Variants in TSC22D1 observed in about 807,000 individuals in gnomAD.
The protein encoded by TSC22D1 is TSC22 domain family member 1.
TSC22D1 carries 9 observed loss-of-function variants against 74.2 expected under a neutral mutation model. The ratio of observed to expected loss-of-function variants is 0.12; its 90% CI spans 0.07 to 0.21. The LOEUF is 0.21. Ranked by LOEUF, TSC22D1 falls within the 10% of genes least tolerant of loss-of-function variation. TSC22D1 has a pLI of 1.00. For synonymous variants in TSC22D1, 586 were observed against 492.5 expected (o/e 1.19, Z -2.51); for missense variants, 1,427 against 1,304.7 (o/e 1.09, Z -1.44).
rs550530860 is a variant in TSC22D1 at position 44,512,843 on chromosome 13, T to C, written c.2912+60320A>G. ...TATTGTATTTTTAGTAGAGACAGGG[T>C]TTCACCATGTTGGCCAGGATGGTCT... On this transcript the variant is annotated intron_variant, in intron 1 of 2. Transcript: ENST00000458659. Among the ~76,000 whole-genome samples the C allele has an allele frequency of 3.3e-5, 5 of 152,060 alleles. No individual in the cohort carries two copies. The South Asian group carries it at 8.3e-4, about 25-fold the overall frequency.
intron 1 of TSC22D1, among the ~76,000 whole-genome samples, chr13:44,529,784 T>C (rs1880734064): frequency 6.6e-6 from 1 of 152,008 alleles, no homozygotes; most frequent in South Asian, 2.1e-4. Flanking sequence ...ACACCAGCAA[T>C]GAACAATTGG....
chr13:44,493,947 T>C lies in TSC22D1; in HGVS notation c.2913-57852A>G, dbSNP rs138788468. Among the ~76,000 whole-genome samples the C allele has an allele frequency of 1.3e-3, 203 of 152,224 alleles. 1 individual carries two copies. Among genetic ancestry groups the C allele is most frequent in the African/African-American group, 4.5e-3 (187 of 41,530 alleles). On this transcript the variant is annotated intron_variant, in intron 1 of 2. Coordinates refer to ENST00000458659, the MANE Select transcript of TSC22D1 (RefSeq NM_183422.4). Reference sequence around the variant, plus strand: ...TCTTTACAAAAATAGCTTACAAAAGTTGGCCAGGTGCAGTGGCTCATGCCT... The same window carrying C: ...TCTTTACAAAAATAGCTTACAAAAGCTGGCCAGGTGCAGTGGCTCATGCCT...
At chr13:44,541,408 A>G (rs773848830) in intron 1 of TSC22D1, among the ~76,000 whole-genome samples, 2 of 152,216 alleles carry the variant, frequency 1.3e-5, no homozygotes, top group East Asian at 3.8e-4. Context: ...AAGAAAACCT[A>G]TGAATTTAAC....
At chr13:44,445,101 A>G (rs561904280) in intron 1 of TSC22D1, among the ~76,000 whole-genome samples, 13 of 152,114 alleles carry the variant, frequency 8.5e-5, no homozygotes, top group Non-Finnish European at 1.6e-4. Flanking sequence ...CTAAAGCCAG[A>G]TAAAGACATT....
intron 1 of TSC22D1, among the ~76,000 whole-genome samples, chr13:44,506,875 C>T (rs1879473172): frequency 6.6e-6 from 1 of 152,136 alleles, no homozygotes; most frequent in Non-Finnish European, 1.5e-5. Context: ...CAAGACACTA[C>T]AGAATCTGAG....
At chr13:44,529,788 C>G (rs1456773790) in intron 1 of TSC22D1, among the ~76,000 whole-genome samples, 4 of 151,870 alleles carry the variant, frequency 2.6e-5, no homozygotes, top group Non-Finnish European at 5.9e-5. Context: ...CAGCAATGAA[C>G]AATTGGAATT....
chr13:44,558,689 G>A (rs1271123289), intron 1 of TSC22D1, among the ~76,000 whole-genome samples: 1 of 152,116 alleles, frequency 6.6e-6, no homozygotes, highest in Non-Finnish European at 1.5e-5. Context: ...GCAGTGAGCC[G>A]AGATTGTGCC....
intron 1 of TSC22D1, among the ~76,000 whole-genome samples, chr13:44,570,141 T>C (rs1883659455): frequency 6.6e-6 from 1 of 152,104 alleles, no homozygotes; most frequent in Admixed American, 6.6e-5. Context: ...TTTCCCATTC[T>C]TGTAAAGGTG....
At chr13:44,439,509 T>C (rs1249608962) in intron 1 of TSC22D1, among the ~76,000 whole-genome samples, 2 of 152,232 alleles carry the variant, frequency 1.3e-5, no homozygotes, top group African/African-American at 2.4e-5. Context: ...GCTCTTCTAA[T>C]TGCAAGACAA....
chr13:44,544,236 A>T (rs564093626), intron 1 of TSC22D1, among the ~76,000 whole-genome samples: 1 of 152,350 alleles, frequency 6.6e-6, no homozygotes, highest in Admixed American at 6.5e-5. Flanking sequence ...GCCAAATTGC[A>T]ACAATTACAG....
At chr13:44,563,778 G>T (rs1019928580) in intron 1 of TSC22D1, among the ~76,000 whole-genome samples, 7 of 152,154 alleles carry the variant, frequency 4.6e-5, no homozygotes, top group African/African-American at 1.7e-4. Flanking sequence ...TACAGTCTAA[G>T]AAACAATTTG....
At chr13:44,475,017 C>T (rs1877828057) in intron 1 of TSC22D1, among the ~76,000 whole-genome samples, 1 of 152,030 alleles carries the variant, frequency 6.6e-6, no homozygotes, top group South Asian at 2.1e-4. Context: ...AAGAAATCTA[C>T]AATTCTTTGT....
intron 1 of TSC22D1, among the ~76,000 whole-genome samples, chr13:44,511,050 CA>C (rs1879689069): frequency 6.6e-6 from 1 of 152,138 alleles, no homozygotes; most frequent in Non-Finnish European, 1.5e-5. Flanking sequence ...TTCTGGGAGG[CA>C]GAGGTGGGAG....
chr13:44,536,976 A>C, intron 1 of TSC22D1: 1 of 966,078 alleles, frequency 1.0e-6, no homozygotes, highest in Non-Finnish European at 1.2e-6. Flanking sequence ...AAACTAACAC[A>C]CAGAAAGAAT....
At chr13:44,512,421 G>A (rs989734767) in intron 1 of TSC22D1, among the ~76,000 whole-genome samples, 20 of 151,806 alleles carry the variant, frequency 1.3e-4, no homozygotes, top group East Asian at 3.9e-4. Context: ...CGCCCGCCTC[G>A]GCCTCCCAAA....
At chr13:44,473,964 A>G (rs1158630683) in intron 1 of TSC22D1, among the ~76,000 whole-genome samples, 2 of 152,194 alleles carry the variant, frequency 1.3e-5, no homozygotes, top group African/African-American at 4.8e-5. Context: ...GGACTATACA[A>G]TTCATCTCAG....
chr13:44,470,233 C>T (rs533061411), intron 1 of TSC22D1, among the ~76,000 whole-genome samples: 40 of 152,154 alleles, frequency 2.6e-4, no homozygotes, highest in Non-Finnish European at 4.4e-4. Context: ...ATAACAGGTT[C>T]GCAGAACAAC....
At position 44,574,267 on chromosome 13, in the gene TSC22D1, G is replaced by C; in HGVS notation, c.1808C>G (p.Pro603Arg). The change falls in exon 1 of 3, where the codon CCC (proline) becomes CGC (arginine). Residue 603 changes from proline (P) to arginine (R), a missense_variant. By Grantham distance (103) the Pro-to-Arg change is moderately radical. This residue lies in a region of TSC22D1 where 1,343 missense variants were observed against 1,191.5 expected (regional missense o/e 1.13). Coordinates refer to ENST00000458659, the MANE Select transcript of TSC22D1 (RefSeq NM_183422.4). ...AGCCGCCTGAGAATATGGTAGCTGG[G>C]GTTGAGCCAAACTGGAAATGGAAGG... Reference protein sequence around the residue: ...QQPSISSLAQPQLPYSQAAPP... With the variant: ...QQPSISSLAQRQLPYSQAAPP... The C allele has an allele frequency of 6.2e-7, 1 of 1,614,186 alleles. No individual in the cohort carries two copies. Among genetic ancestry groups the C allele is most frequent in the Non-Finnish European group, 8.5e-7 (1 of 1,180,032 alleles).
rs188120011 is a variant in TSC22D1 at position 44,464,321 on chromosome 13, C to T, written c.2913-28226G>A. On this transcript the variant is annotated intron_variant, in intron 1 of 2. Transcript: ENST00000458659. Reference sequence around the variant, plus strand: ...TTTCATTGTTCCATTTTTTTAAAAGCGTAATGTTCATATTACTCCCACCAT... The same window carrying T: ...TTTCATTGTTCCATTTTTTTAAAAGTGTAATGTTCATATTACTCCCACCAT... Among the ~76,000 whole-genome samples, 807 of 152,148 alleles carry T rather than the reference C, an allele frequency of 5.3e-3. 6 individuals carry two copies. Among genetic ancestry groups the T allele is most frequent in the Non-Finnish European group, 8.6e-3 (584 of 67,988 alleles).
Sources: allele counts gnomAD v4.1 joint callset (sites outside exome capture counted in the v4.1 genomes callset), GRCh38; gene constraint gnomAD v4.1.1; regional missense constraint gnomAD v4.1.1; transcripts MANE v1.5; gene names NCBI Gene and HGNC (gene_info 2026-07-23, HGNC 2026-07-21).